Variants in NCOA1 observed in about 807,000 individuals in gnomAD.
NCOA1 encodes Hin-2 protein.
In NCOA1, 35 loss-of-function variants were observed where a neutral mutation model predicts 150.9. That is an observed-to-expected ratio of 0.23 (90% CI 0.18 to 0.31). The LOEUF is 0.31. Among genes scored for constraint, NCOA1 ranks in the 10% least tolerant of loss-of-function variants. The probability of loss-of-function intolerance (pLI) is 1.00; values close to 1 mark genes in which losing one functional copy is unlikely to be tolerated. For synonymous variants in NCOA1, 590 were observed against 630.0 expected, an observed-to-expected ratio of 0.94 and a Z score of 0.95; for missense variants, 1,491 against 1,749.3, an observed-to-expected ratio of 0.85 and a Z score of 2.63.
At chr2:24,609,281 T>C (rs1199895609) in intron 3 of NCOA1, among the ~76,000 whole-genome samples, 3 of 152,216 alleles carry the variant, frequency 2.0e-5, no homozygotes, top group South Asian at 2.1e-4. Context: ...TTAGTTTTAG[T>C]GGGTTATGTA....
chr2:24,713,297 A>G (rs965005491), intron 14 of NCOA1, among the ~76,000 whole-genome samples: 2 of 151,842 alleles, frequency 1.3e-5, no homozygotes, highest in Non-Finnish European at 2.9e-5. Context: ...AAAGAATTAC[A>G]CAAACAAGGG....
chr2:24,509,784 C>G (rs1209010772), intron 1 of NCOA1, among the ~76,000 whole-genome samples: 1 of 152,014 alleles, frequency 6.6e-6, no homozygotes, highest in African/African-American at 2.4e-5. Flanking sequence ...AGTCACAGTT[C>G]AGATTCTTTT....
intron 1 of NCOA1, among the ~76,000 whole-genome samples, chr2:24,528,974 C>T (rs1664768957): frequency 6.6e-6 from 1 of 152,050 alleles, no homozygotes; most frequent in South Asian, 2.1e-4. Flanking sequence ...GCAAGCTCCA[C>T]CTCCCAGGTT....
chr2:24,578,800 TA>T (rs1046191176), intron 2 of NCOA1, among the ~76,000 whole-genome samples: 22 of 151,900 alleles, frequency 1.4e-4, no homozygotes, highest in Non-Finnish European at 2.5e-4. Flanking sequence ...AAATAAAGAA[TA>T]AAAAAAAGCT....
At chr2:24,562,826 T>TC (rs1254093345) in intron 1 of NCOA1, among the ~76,000 whole-genome samples, 1 of 151,962 alleles carries the variant, frequency 6.6e-6, no homozygotes, top group African/African-American at 2.4e-5. Flanking sequence ...GCGACTAGAA[T>TC]GGAGAAAGAG....
intron 1 of NCOA1, among the ~76,000 whole-genome samples, chr2:24,544,895 T>TTTCTCATTTTTGGAG (rs1204925227): frequency 1.3e-5 from 2 of 152,274 alleles, no homozygotes; most frequent in African/African-American, 4.8e-5. Flanking sequence ...GGGAACTAGT[T>TTTCTCATTTTTGGAG]TTCTCATTTT....
At chr2:24,750,454 G>C (rs1164407298) in intron 19 of NCOA1, among the ~76,000 whole-genome samples, 1 of 152,200 alleles carries the variant, frequency 6.6e-6, no homozygotes, top group East Asian at 1.9e-4. Context: ...GGTCAGTTGA[G>C]TTTTGACAGG....
intron 8 of NCOA1, among the ~76,000 whole-genome samples, chr2:24,687,632 G>T (rs565788976): frequency 6.6e-6 from 1 of 151,972 alleles, no homozygotes; most frequent in Admixed American, 6.6e-5. Flanking sequence ...CAAGGAGGCA[G>T]GAGAGAGAGA....
At chr2:24,724,133 T>C (rs1021596707) in intron 14 of NCOA1, among the ~76,000 whole-genome samples, 6 of 151,734 alleles carry the variant, frequency 4.0e-5, no homozygotes, top group Non-Finnish European at 5.9e-5. Context: ...AGTGTCCCTT[T>C]TAGCTATATT....
Position 24,547,813 on chromosome 2 carries a change from C to T in NCOA1, c.-395-16482C>T, listed in dbSNP as rs377638783. ...ACCATGCTGACTAACGTGGTGAAAC[C>T]CTGTCTCTACTAAAAATACAAAAAA... is the stretch of plus-strand genomic sequence containing the variant. On this transcript the variant is annotated intron_variant, in intron 1 of 22. Coordinates refer to ENST00000348332, the MANE Select transcript of NCOA1 (RefSeq NM_003743.5). Among the ~76,000 whole-genome samples, 9 of 151,680 alleles carry T rather than the reference C, an allele frequency of 5.9e-5. No homozygotes were observed. In the East Asian group the frequency reaches 1.4e-3, roughly 23 times the overall value.
At chr2:24,597,845 C>T (rs747990489) in intron 3 of NCOA1, among the ~76,000 whole-genome samples, 12 of 151,960 alleles carry the variant, frequency 7.9e-5, no homozygotes, top group Admixed American at 5.2e-4. Context: ...TTGTTACATA[C>T]GTATATATGT....
At chr2:24,644,238 C>T (rs1004485157) in intron 4 of NCOA1, 116 bp downstream of exon 4, 4 of 152,122 alleles carry the variant, frequency 2.6e-5, no homozygotes, top group African/African-American at 9.7e-5. Flanking sequence ...TGGGTTGCTT[C>T]AAGGTTAGTG....
intron 3 of NCOA1, among the ~76,000 whole-genome samples, chr2:24,623,440 A>G (rs188870481): frequency 6.6e-6 from 1 of 152,266 alleles, no homozygotes; most frequent in East Asian, 1.9e-4. Context: ...GATATCATCT[A>G]ATTTTCTTTT....
intron 1 of NCOA1, among the ~76,000 whole-genome samples, chr2:24,544,613 T>C (rs1665534023): frequency 6.6e-6 from 1 of 152,034 alleles, no homozygotes; most frequent in African/African-American, 2.4e-5. Flanking sequence ...CATGGCAGTA[T>C]GCACTGTAGT....
intron 4 of NCOA1, among the ~76,000 whole-genome samples, chr2:24,646,730 GTTATC>G (rs1436804858): frequency 2.6e-4 from 39 of 147,708 alleles, no homozygotes; most frequent in African/African-American, 9.5e-4. Context: ...TAATGAAAAG[GTTATC>G]TTAAATAACA....
At chr2:24,534,073 G>A (rs1371675311) in intron 1 of NCOA1, among the ~76,000 whole-genome samples, 1 of 136,672 alleles carries the variant, frequency 7.3e-6, no homozygotes, top group African/African-American at 2.5e-5. Context: ...GTCTGGTCCT[G>A]GACTTTTTTT....
chr2:24,712,145 C>T (rs1031893144), intron 14 of NCOA1, among the ~76,000 whole-genome samples: 3 of 152,210 alleles, frequency 2.0e-5, no homozygotes, highest in African/African-American at 7.2e-5. Context: ...ATTCTCCAGT[C>T]ATTAACAGTC....
chr2:24,660,344 CAT>C (rs1180219856), intron 5 of NCOA1, among the ~76,000 whole-genome samples: 2 of 150,944 alleles, frequency 1.3e-5, no homozygotes, highest in African/African-American at 2.5e-5. Flanking sequence ...AATATTTTAT[CAT>C]ATTATTATTT....
intron 17 of NCOA1, among the ~76,000 whole-genome samples, chr2:24,732,484 C>T (rs1663067872): frequency 6.6e-6 from 1 of 152,198 alleles, no homozygotes; most frequent in Non-Finnish European, 1.5e-5. Flanking sequence ...TGTTTCAGCA[C>T]TAGGTCGCTC....
Sources: allele counts gnomAD v4.1 joint callset (sites outside exome capture counted in the v4.1 genomes callset), GRCh38; gene constraint gnomAD v4.1.1; transcripts MANE v1.5; gene names NCBI Gene and HGNC (gene_info 2026-07-23, HGNC 2026-07-21).